The following SMARCD1 variants were observed in gnomAD, a reference collection of about 807,000 sequenced individuals.
The protein encoded by SMARCD1 is SWI/SNF related BAF chromatin remodeling complex subunit D1.
SMARCD1 carries 16 observed loss-of-function variants against 70.8 expected under a neutral mutation model. That is an observed-to-expected ratio of 0.23 (90% CI 0.15 to 0.34). The LOEUF (loss-of-function observed/expected upper bound fraction) is 0.34, where lower values mean the gene tolerates loss of function less well. Ranked by LOEUF, SMARCD1 falls within the 10% of genes least tolerant of loss-of-function variation. The pLI is 1.00. For synonymous variants in SMARCD1, 249 were observed against 246.0 expected (o/e 1.01, Z -0.11); for missense variants, 409 against 655.5 (o/e 0.62, Z 4.11).
chr12:50,093,994 G>A (rs562465798), intron 9 of SMARCD1, among the ~76,000 whole-genome samples: 9 of 151,138 alleles, frequency 6.0e-5, no homozygotes, highest in African/African-American at 1.2e-4. Context: ...TCAGGTGATC[G>A]CCCACCTTGG....
In SMARCD1 at chr12:50,087,495, A is replaced by G. The variant is rs780895676; in HGVS notation, c.654+10A>G. ...ACGGCTCCTGGAGGATGTGAGTTCA[A>G]GGTCCACAATGGTTGGCATCTAGGG... On this transcript the variant is annotated intron_variant, in intron 5 of 12. Coordinates refer to ENST00000394963, the MANE Select transcript of SMARCD1 (RefSeq NM_003076.5). The G allele has an allele frequency of 6.2e-7, 1 of 1,613,094 alleles. No homozygotes were observed. Among genetic ancestry groups the G allele is most frequent in the Non-Finnish European group, 8.5e-7 (1 of 1,179,594 alleles).
chr12:50,086,369 A>G, intron 2 of SMARCD1, 21 bp downstream of exon 2: 2 of 389,638 alleles, frequency 5.1e-6, no homozygotes, highest in Non-Finnish European at 1.0e-5. Flanking sequence ...CCTGGGGCAG[A>G]GGGAGGGAGG....
chr12:50,096,584 A>G (rs1000792968), intron 10 of SMARCD1: 7 of 365,602 alleles, frequency 1.9e-5, no homozygotes, highest in African/African-American at 1.2e-4. Context: ...AGTATTCATC[A>G]TGTAGCTTTG....
At chr12:50,088,469 G>T in intron 5 of SMARCD1, 52 bp from the exon 6 acceptor site, 1 of 973,390 alleles carries the variant, frequency 1.0e-6, no homozygotes, top group Non-Finnish European at 1.6e-6. Context: ...ATTTTGTCTT[G>T]GGAAGTTTCT....
chr12:50,090,450 T>TA, intron 8 of SMARCD1, 43 bp from the exon 9 acceptor site: 1 of 1,613,424 alleles, frequency 6.2e-7, no homozygotes, highest in Non-Finnish European at 8.5e-7. Flanking sequence ...GAACACTAGT[T>TA]ATGCTCAAAC....
At position 50,085,590 on chromosome 12, in the gene SMARCD1, C is replaced by G; in HGVS notation, c.177+44C>G. On this transcript the variant is annotated intron_variant, in intron 1 of 12. Coordinates refer to ENST00000394963, the MANE Select transcript of SMARCD1 (RefSeq NM_003076.5). ...GGGGCGCGCGGGCCGGGGGCGGGGC[C>G]GAGCGGGGACATGGGAGTGACAGGG... is the stretch of plus-strand genomic sequence containing the variant. The G allele has an allele frequency of 4.0e-6, 4 of 1,012,368 alleles. No homozygotes were observed. The South Asian group carries it at 1.9e-4, about 48-fold the overall frequency. The allele number at this position is 1,012,368 out of a possible 1,614,324, so 62.7% of individuals were successfully genotyped here. A position where few individuals can be genotyped will look rare whatever the true frequency, so the allele number is the denominator to read the frequency against.
intron 5 of SMARCD1, chr12:50,088,288 T>G: frequency 1.4e-6 from 1 of 702,990 alleles, no homozygotes; most frequent in African/African-American, 1.7e-5. Context: ...GCAAATGAGA[T>G]GGGTAAAACA....
intron 7 of SMARCD1, 102 bp from the exon 8 acceptor site, chr12:50,090,139 G>A (rs1418771398): frequency 1.4e-6 from 2 of 1,386,296 alleles, no homozygotes; most frequent in Non-Finnish European, 1.0e-6. Context: ...GAATTTTTCT[G>A]TCCCAGAAAA....
chr12:50,086,662 G>C lies in SMARCD1; in HGVS notation c.407G>C (p.Arg136Thr), dbSNP rs1565737974. ...ATGGCTGACAAAATTCTACCTCAAA[G>C]GGTGAGTCCAGGCTATATGTCTTCT... ...KKMADKILPQ[R>T]IRELVPESQA... The change falls in exon 3 of 13, where the codon AGG becomes ACG. Residue 136 changes from arginine (R) to threonine (T), a missense_variant and splice_region_variant. Transcript: ENST00000394963. 1 of 1,614,132 alleles carries C rather than the reference G, an allele frequency of 6.2e-7. No individual in the cohort carries two copies. The highest frequency in any genetic ancestry group is 1.7e-5 in the Admixed American group (1 of 60,020).
rs58556925 is a variant in SMARCD1, at chr12:50,098,230, A to T, written c.1393-484A>T. 7.3e-3 allele frequency among the ~76,000 whole-genome samples: 1,116 copies of T among 152,320 alleles called. 16 individuals carry two copies. The highest frequency in any genetic ancestry group is 0.026 in the African/African-American group (1,063 of 41,566). On this transcript the variant is annotated intron_variant, in intron 11 of 12. Transcript: ENST00000394963. Reference sequence around the variant, plus strand: ...GACTGGGTGTTGTATCAGTTTGCTGAGGCTGCTGTAGCAAACTACCACAAA... The same window carrying T: ...GACTGGGTGTTGTATCAGTTTGCTGTGGCTGCTGTAGCAAACTACCACAAA...
intron 10 of SMARCD1, among the ~76,000 whole-genome samples, chr12:50,096,030 G>C (rs1267152051): frequency 6.6e-6 from 1 of 152,182 alleles, no homozygotes; most frequent in African/African-American, 2.4e-5. Context: ...TTGTCAAGAG[G>C]GCAGGGCTGG....
chr12:50,098,611 AC>A, intron 11 of SMARCD1, 102 bp from the exon 12 acceptor site: 1 of 915,454 alleles, frequency 1.1e-6, no homozygotes, highest in Non-Finnish European at 1.7e-6. Flanking sequence ...TTAGACTTCA[AC>A]ATTTTGGGGA....
rs530198192 is a variant in SMARCD1, at chr12:50,089,606, A to G, written c.772-278A>G. On this transcript the variant is annotated intron_variant, in intron 6 of 12. Transcript: ENST00000394963. ...AGTAAGTACTCAGTAAATGATAGCT[A>G]TGTTACTGTTCACATGTGTATTATC... 5.3e-5 allele frequency among the ~76,000 whole-genome samples: 8 copies of G among 152,370 alleles called. No homozygotes were observed. The South Asian group carries it at 1.7e-3, about 32-fold the overall frequency.
At chr12:50,087,694 T>C (rs1348649103) in intron 5 of SMARCD1, among the ~76,000 whole-genome samples, 1 of 152,158 alleles carries the variant, frequency 6.6e-6, no homozygotes, top group Non-Finnish European at 1.5e-5. Context: ...TGGAGAACCT[T>C]ATTGTCCTGG....
chr12:50,098,617 T>G, intron 11 of SMARCD1, 97 bp from the exon 12 acceptor site: 1 of 946,516 alleles, frequency 1.1e-6, no homozygotes, highest in East Asian at 2.6e-5. Context: ...TTCAACATTT[T>G]GGGGAAGGAT....
intron 10 of SMARCD1, among the ~76,000 whole-genome samples, chr12:50,094,942 C>T (rs139830233): frequency 1.3e-5 from 2 of 152,296 alleles, no homozygotes; most frequent in African/African-American, 4.8e-5. Context: ...GGATTACAGT[C>T]ACCCACCATC....
intron 9 of SMARCD1, among the ~76,000 whole-genome samples, 157 bp downstream of exon 9, chr12:50,090,747 A>G (rs970423361): frequency 6.6e-6 from 1 of 151,738 alleles, no homozygotes; most frequent in Non-Finnish European, 1.5e-5. Flanking sequence ...ATAATTAAAT[A>G]TATTAGACTA....
chr12:50,096,891 G>A lies in SMARCD1; in HGVS notation c.1311G>A (p.Gln437=). The change falls in exon 11 of 13, where the codon CAG becomes CAA. Residue 437 remains glutamine (Q), a synonymous_variant. Coordinates refer to ENST00000394963, the MANE Select transcript of SMARCD1 (RefSeq NM_003076.5). ...AAACCATCAACCAGCTGAAGACTCA[G>A]CGGGAGTTCATGCTGAGCTTTGCCA... ...TIETINQLKT[Q]REFMLSFARD... 1 of 1,614,050 alleles carries A rather than the reference G, an allele frequency of 6.2e-7. No homozygotes were observed.
intron 9 of SMARCD1, among the ~76,000 whole-genome samples, chr12:50,093,941 G>A (rs974336980): frequency 3.3e-5 from 5 of 151,846 alleles, no homozygotes; most frequent in African/African-American, 9.7e-5. Context: ...TACCACGTCC[G>A]GCTAGTTTTT....
Sources: gnomAD v4.1 joint callset for allele counts (sites outside exome capture counted in the v4.1 genomes callset) on GRCh38, gnomAD v4.1.1 for gene constraint, MANE v1.5 for transcripts, NCBI Gene and HGNC (gene_info 2026-07-23, HGNC 2026-07-21) for gene names.